Variants in PHYKPL observed in about 807,000 individuals in gnomAD.
PHYKPL encodes 5-phosphohydroxy-L-lysine phospho-lyase.
In PHYKPL, 42 loss-of-function variants were observed where a neutral mutation model predicts 51.3. The observed-to-expected ratio is 0.82, with a 90% CI of 0.64 to 1.06. The LOEUF (loss-of-function observed/expected upper bound fraction) is 1.06, where lower values mean the gene tolerates loss of function less well. PHYKPL is among the 50% of genes least tolerant of loss of function. The probability of loss-of-function intolerance (pLI) is 0.00; values close to 1 mark genes in which losing one functional copy is unlikely to be tolerated. For missense variants in PHYKPL, 655 were observed against 586.6 expected, an observed-to-expected ratio of 1.12 and a Z score of -1.20; for synonymous variants, 264 against 236.0, an observed-to-expected ratio of 1.12 and a Z score of -1.09.
intron 6 of PHYKPL, chr5:178,223,419 A>G (rs777793106): frequency 2.2e-6 from 1 of 456,268 alleles, no homozygotes; most frequent in South Asian, 1.5e-5. Context: ...CACCAGGGTG[A>G]TGATGCCTCA....
intron 10 of PHYKPL, 48 bp from the exon 11 acceptor site, chr5:178,213,151 G>A: frequency 6.2e-7 from 1 of 1,604,336 alleles, no homozygotes; most frequent in Non-Finnish European, 8.5e-7. Context: ...GCCTTCCTCA[G>A]CCTGGCCTTG....
intron 11 of PHYKPL, among the ~76,000 whole-genome samples, 198 bp downstream of exon 11, chr5:178,212,775 A>T (rs1315689812): frequency 6.6e-6 from 1 of 152,216 alleles, no homozygotes; most frequent in East Asian, 1.9e-4. Context: ...CTGACAGCCC[A>T]GGAAGCTCTC....
intron 12 of PHYKPL, chr5:178,210,112 G>T (rs768498416): frequency 4.3e-6 from 7 of 1,613,560 alleles, no homozygotes; most frequent in Non-Finnish European, 5.1e-6. Context: ...ACGGGCCCCT[G>T]TGCCCTGCTC....
At chr5:178,212,310 A>G (rs1419326384) in intron 11 of PHYKPL, among the ~76,000 whole-genome samples, 1 of 152,246 alleles carries the variant, frequency 6.6e-6, no homozygotes, top group Non-Finnish European at 1.5e-5. Flanking sequence ...GGGATTAAGC[A>G]TACCTGTGGG....
Position 178,214,898 on chromosome 5 carries a change from G to T in PHYKPL, c.1083-13C>A. ...GAGCCCAACACCCCTGCAAGGGAAG[G>T]TGACGACATCTCAGGAGGCCAGGCC... is the stretch of plus-strand genomic sequence containing the variant. On this transcript the variant is annotated splice_polypyrimidine_tract_variant and intron_variant, in intron 9 of 12. Transcript: ENST00000308158. The T allele has an allele frequency of 6.2e-7, 1 of 1,612,684 alleles. No individual in the cohort carries two copies. Among genetic ancestry groups the T allele is most frequent in the Non-Finnish European group, 8.5e-7 (1 of 1,179,640 alleles).
chr5:178,221,316 T>G (rs930885460), intron 8 of PHYKPL, among the ~76,000 whole-genome samples: 2 of 152,160 alleles, frequency 1.3e-5, no homozygotes, highest in African/African-American at 4.8e-5. Flanking sequence ...GACTGAGATC[T>G]GGTCTTGCCT....
intron 4 of PHYKPL, 109 bp downstream of exon 4, chr5:178,225,246 C>T (rs1762055783): frequency 2.3e-6 from 3 of 1,285,942 alleles, no homozygotes; most frequent in Admixed American, 3.9e-5. Flanking sequence ...CTTCAGTAGC[C>T]CAGGCCCCTT....
At chr5:178,228,613 C>A (rs1213259974) in intron 3 of PHYKPL, 11 of 702,544 alleles carry the variant, frequency 1.6e-5, no homozygotes, top group Non-Finnish European at 2.6e-5. Flanking sequence ...ATGGTGAATT[C>A]CACTTCCTAG....
rs927467345 is a variant in PHYKPL, at chr5:178,229,608, G to A, written c.338+332C>T. On this transcript the variant is annotated intron_variant, in intron 3 of 12. Coordinates refer to ENST00000308158, the MANE Select transcript of PHYKPL (RefSeq NM_153373.4). ...CCTTGCAATTCTGTATTTCTTTGAA[G>A]AATCACTTGATGTTTTCCTTCCTTA... 1.4e-5 allele frequency: 3 copies of A among 210,256 alleles called. No individual in the cohort carries two copies. The Admixed American group carries it at 1.6e-4, about 11-fold the overall frequency. The allele number at this position is 210,256 out of a possible 1,614,324, so 13.0% of individuals were successfully genotyped here.
intron 1 of PHYKPL, 119 bp downstream of exon 1, chr5:178,232,373 G>C (rs550049785): frequency 9.1e-6 from 12 of 1,313,862 alleles, no homozygotes; most frequent in Non-Finnish European, 1.2e-5. Flanking sequence ...CGGACGGGAT[G>C]GGTAGCAGCG....
chr5:178,210,152 CA>C, intron 12 of PHYKPL: 1 of 1,614,060 alleles, frequency 6.2e-7, no homozygotes, highest in Non-Finnish European at 8.5e-7. Context: ...GAGTTGGAAT[CA>C]GGGCTACGGC....
rs757393375 is a variant in PHYKPL at position 178,214,760 on chromosome 5, T to G, written c.1172+36A>C. On this transcript the variant is annotated intron_variant, in intron 10 of 12. Transcript: ENST00000308158. Reference sequence around the variant, plus strand: ...GCAAAGAGGTACCTGTGGTGTCTCCTACTCCAGGAAGCAACTTGTTTCAAG... The same window carrying G: ...GCAAAGAGGTACCTGTGGTGTCTCCGACTCCAGGAAGCAACTTGTTTCAAG... 48 of 1,597,666 alleles carry G rather than the reference T, an allele frequency of 3.0e-5. No homozygotes were observed. The Admixed American group carries it at 7.8e-4, about 26-fold the overall frequency.
intron 3 of PHYKPL, 61 bp from the exon 4 acceptor site, chr5:178,225,490 G>A: frequency 6.5e-7 from 1 of 1,544,142 alleles, no homozygotes; most frequent in Non-Finnish European, 8.9e-7. Context: ...AGAGAGAAAT[G>A]CTGAGGGCAG....
intron 10 of PHYKPL, among the ~76,000 whole-genome samples, chr5:178,213,306 G>A (rs921367302): frequency 5.3e-5 from 8 of 152,216 alleles, no homozygotes; most frequent in African/African-American, 1.9e-4. Flanking sequence ...ACCTGGCCCT[G>A]AGCCTGCTGC....
chr5:178,228,676 C>T, intron 3 of PHYKPL: 1 of 693,944 alleles, frequency 1.4e-6, no homozygotes, highest in East Asian at 2.7e-5. Context: ...CAGTAATCAT[C>T]ACTATAATTC....
chr5:178,229,029 C>T (rs1378035618), intron 3 of PHYKPL, among the ~76,000 whole-genome samples: 1 of 152,008 alleles, frequency 6.6e-6, no homozygotes, highest in Non-Finnish European at 1.5e-5. Context: ...GGTACCATAT[C>T]CTTTCCTGCT....
chr5:178,214,983 T>A, intron 9 of PHYKPL, 98 bp from the exon 10 acceptor site: 1 of 1,112,306 alleles, frequency 9.0e-7, no homozygotes, highest in Non-Finnish European at 1.3e-6. Flanking sequence ...CTGAGGGGGC[T>A]GAGTGCAGGA....
intron 1 of PHYKPL, 108 bp downstream of exon 1, chr5:178,232,384 G>A (rs949683073): frequency 3.8e-6 from 5 of 1,318,492 alleles, no homozygotes; most frequent in Admixed American, 4.1e-5. Flanking sequence ...GGTAGCAGCG[G>A]CTTCCTAGCC....
At chr5:178,210,281 G>C in intron 12 of PHYKPL, 1 of 1,614,150 alleles carries the variant, frequency 6.2e-7, no homozygotes, top group Non-Finnish European at 8.5e-7. Context: ...CAGTAAGTAG[G>C]AGAGAGGGAG....
Sources: gnomAD v4.1 joint callset for allele counts (sites outside exome capture counted in the v4.1 genomes callset) on GRCh38, gnomAD v4.1.1 for gene constraint, MANE v1.5 for transcripts, NCBI Gene and HGNC (gene_info 2026-07-23, HGNC 2026-07-21) for gene names.